AGAP1: variants seen among roughly 807,000 people sequenced by gnomAD.
The protein encoded by AGAP1 is arf-GAP with GTPase, ANK repeat and PH domain-containing protein 1.
AGAP1 carries 29 observed loss-of-function variants against 105.3 expected under a neutral mutation model. That is an observed-to-expected ratio of 0.28 (90% CI 0.21 to 0.38). The LOEUF (loss-of-function observed/expected upper bound fraction) is 0.38. Among genes scored for constraint, AGAP1 ranks in the 10% least tolerant of loss-of-function variants. The pLI, the probability that AGAP1 is intolerant of heterozygous loss-of-function variation, is 1.00. For missense variants in AGAP1, 998 were observed against 1,165.1 expected (o/e 0.86, Z 2.09); for synonymous variants, 509 against 485.9 (o/e 1.05, Z -0.63).
intron 1 of AGAP1, among the ~76,000 whole-genome samples, chr2:235,688,921 A>G (rs542422992): frequency 2.0e-5 from 3 of 152,188 alleles, no homozygotes; most frequent in African/African-American, 7.2e-5. Flanking sequence ...CAGTAACGCA[A>G]TTGCAGCAGC....
intron 11 of AGAP1, among the ~76,000 whole-genome samples, chr2:235,911,153 A>G (rs1321338469): frequency 6.6e-6 from 1 of 152,194 alleles, no homozygotes; most frequent in East Asian, 1.9e-4. Context: ...TCTTTGTAAC[A>G]TGGTGTTTTG....
At chr2:236,068,797 CAAAAAAAA>C (rs35724496) in intron 16 of AGAP1, among the ~76,000 whole-genome samples, 4 of 57,592 alleles carry the variant, frequency 6.9e-5, no homozygotes, top group Admixed American at 2.1e-4. Context: ...GACTCCGTCT[CAAAAAAAA>C]AAAAAAAAAA....
chr2:236,044,349 T>G lies in AGAP1; in HGVS notation c.1891+3508T>G, dbSNP rs534428079. 6.6e-6 allele frequency among the ~76,000 whole-genome samples: 1 copy of G among 152,162 alleles called. No individual in the cohort carries two copies. Among genetic ancestry groups the G allele is most frequent in the Non-Finnish European group, 1.5e-5 (1 of 68,018 alleles). ...TGAGGGCCCCTGAGAATCCTAGGGC[T>G]TGGGACCCTCAGTGGCTCTCACCAG... On this transcript the variant is annotated intron_variant, in intron 15 of 17. Transcript: ENST00000304032. The surrounding 1 kb of genome is among the most constrained non-coding windows in gnomAD (Gnocchi z 5.7).
At chr2:235,968,383 C>T in intron 12 of AGAP1, 79 bp from the exon 13 acceptor site, 1 of 1,503,130 alleles carries the variant, frequency 6.7e-7, no homozygotes, top group Non-Finnish European at 8.9e-7. Context: ...CGTGGCTGTG[C>T]TGTTTCTGCG....
At chr2:235,518,596 T>C (rs2149045176) in intron 1 of AGAP1, among the ~76,000 whole-genome samples, 1 of 152,282 alleles carries the variant, frequency 6.6e-6, no homozygotes, top group Admixed American at 6.5e-5. Flanking sequence ...GCACGGAGCT[T>C]TGCAAATGTC....
intron 12 of AGAP1, among the ~76,000 whole-genome samples, chr2:235,939,014 G>A (rs749073541): frequency 3.3e-5 from 5 of 152,196 alleles, no homozygotes; most frequent in Non-Finnish European, 5.9e-5. Flanking sequence ...GGGTTGAGAA[G>A]CTCTTTCAGA....
At chr2:235,940,012 G>A (rs764591478) in intron 12 of AGAP1, among the ~76,000 whole-genome samples, 1 of 152,142 alleles carries the variant, frequency 6.6e-6, no homozygotes. Flanking sequence ...GAGTTGGGCG[G>A]CTCATGCTCA....
chr2:235,926,560 C>T (rs1476199428), intron 11 of AGAP1, among the ~76,000 whole-genome samples: 3 of 152,124 alleles, frequency 2.0e-5, no homozygotes, highest in Admixed American at 6.5e-5. Context: ...TTTTTTTAGT[C>T]AAATATGTTT....
chr2:236,061,413 A>C lies in AGAP1; in HGVS notation c.2114+12132A>C, dbSNP rs2058191585. On this transcript the variant is annotated intron_variant, in intron 16 of 17. Transcript: ENST00000304032. This position sits in a 1 kb window ranked among gnomAD's most constrained non-coding sequence, Gnocchi z 4.1. Reference sequence around the variant, plus strand: ...AAATGTACACCTGAGTGTTCACAGCAACATCATTCATAATAGCCAAAAAGT... The same window carrying C: ...AAATGTACACCTGAGTGTTCACAGCCACATCATTCATAATAGCCAAAAAGT... Among the ~76,000 whole-genome samples the C allele has an allele frequency of 6.6e-6, 1 of 152,214 alleles. No individual in the cohort carries two copies. The highest frequency in any genetic ancestry group is 2.4e-5 in the African/African-American group (1 of 41,454).
At position 235,958,316 on chromosome 2, in the gene AGAP1, C is replaced by A. The variant is rs976104527; in HGVS notation, c.1484-10146C>A. 4.6e-5 allele frequency among the ~76,000 whole-genome samples: 7 copies of A among 152,032 alleles called. No individual in the cohort carries two copies. The highest frequency in any genetic ancestry group is 1.7e-4 in the African/African-American group (7 of 41,394). On this transcript the variant is annotated intron_variant, in intron 12 of 17. Coordinates refer to ENST00000304032, the MANE Select transcript of AGAP1 (RefSeq NM_001037131.3). The surrounding 1 kb of genome is among the most constrained non-coding windows in gnomAD (Gnocchi z 4.1). ...GGCTCCAGGGTCAGGGAAGATCTGA[C>A]CCGGGAGAGGATTAGGGCCCTGCTA... is the stretch of plus-strand genomic sequence containing the variant.
intron 1 of AGAP1, among the ~76,000 whole-genome samples, chr2:235,563,176 C>G (rs1035077627): frequency 6.6e-6 from 1 of 152,214 alleles, no homozygotes; most frequent in Admixed American, 6.5e-5. Context: ...AGGTGTGCAG[C>G]CCCAGCATCT....
chr2:235,524,546 A>G (rs747529352), intron 1 of AGAP1: 5 of 290,588 alleles, frequency 1.7e-5, no homozygotes, highest in Admixed American at 1.3e-4. Context: ...ATGGGTAAGT[A>G]TAACCCCCAC....
At position 235,930,664 on chromosome 2, in the gene AGAP1, A is replaced by C; in HGVS notation, c.1325-101A>C. 4 of 1,151,136 alleles carry C rather than the reference A, an allele frequency of 3.5e-6. No individual in the cohort carries two copies. Among genetic ancestry groups the C allele is most frequent in the South Asian group, 1.7e-5 (1 of 60,578 alleles). 71.3% of individuals were successfully genotyped at this position (1,151,136 alleles called of 1,614,324 possible). A position where few individuals can be genotyped will look rare whatever the true frequency, so the allele number is the denominator to read the frequency against. On this transcript the variant is annotated intron_variant, in intron 11 of 17. Coordinates refer to ENST00000304032, the MANE Select transcript of AGAP1 (RefSeq NM_001037131.3). The surrounding 1 kb of genome is among the most constrained non-coding windows in gnomAD (Gnocchi z 7.9). ...AGGACAGGGGCTGCTCTCGGTGGTA[A>C]GGTGCACTATGTGCCAGCGTGTGGG...
At chr2:235,727,412 G>A (rs984480735) in intron 3 of AGAP1, among the ~76,000 whole-genome samples, 17 of 152,100 alleles carry the variant, frequency 1.1e-4, no homozygotes, top group South Asian at 4.1e-4. Flanking sequence ...CAGCTTGCAC[G>A]GTTTGAACTT....
chr2:235,585,209 G>A (rs762970750), intron 1 of AGAP1, among the ~76,000 whole-genome samples: 2 of 152,092 alleles, frequency 1.3e-5, no homozygotes, highest in African/African-American at 2.4e-5. Context: ...GCTCCAAATG[G>A]GTCTTACGGG....
In AGAP1 at chr2:236,089,680, G is replaced by T. The variant is rs556523259; in HGVS notation, c.2115-30512G>T. On this transcript the variant is annotated intron_variant, in intron 16 of 17. Coordinates refer to ENST00000304032, the MANE Select transcript of AGAP1 (RefSeq NM_001037131.3). The surrounding 1 kb of genome is among the most constrained non-coding windows in gnomAD (Gnocchi z 5.6). Reference sequence around the variant, plus strand: ...TCTGCAAATTTCTGATTCCTGTACAGTCAGCATTAATATGCTGCTTTTCAG... The same window carrying T: ...TCTGCAAATTTCTGATTCCTGTACATTCAGCATTAATATGCTGCTTTTCAG... Among the ~76,000 whole-genome samples the T allele has an allele frequency of 5.3e-5, 8 of 152,312 alleles. No individual in the cohort carries two copies. The South Asian group carries it at 1.7e-3, about 32-fold the overall frequency.
At chr2:235,766,227 TA>T (rs1407842675) in intron 6 of AGAP1, among the ~76,000 whole-genome samples, 1 of 152,222 alleles carries the variant, frequency 6.6e-6, no homozygotes, top group Admixed American at 6.5e-5. Context: ...ACACATCGAT[TA>T]TTTTTATAAG....
intron 9 of AGAP1, among the ~76,000 whole-genome samples, chr2:235,858,307 A>T (rs1332817258): frequency 6.6e-6 from 1 of 152,246 alleles, no homozygotes; most frequent in Non-Finnish European, 1.5e-5. Flanking sequence ...GCTATAGAAC[A>T]TGAACATAAC....
At chr2:235,925,788 G>A (rs1215224880) in intron 11 of AGAP1, among the ~76,000 whole-genome samples, 1 of 152,142 alleles carries the variant, frequency 6.6e-6, no homozygotes, top group Admixed American at 6.5e-5. Context: ...GAGCTGACCT[G>A]GACTGTGTTT....
Sources: allele counts gnomAD v4.1 joint callset (sites outside exome capture counted in the v4.1 genomes callset), GRCh38; gene constraint gnomAD v4.1.1; non-coding constraint Gnocchi (gnomAD v3.1); transcripts MANE v1.5; gene names NCBI Gene and HGNC (gene_info 2026-07-23, HGNC 2026-07-21).